ITGA6: variants seen among roughly 807,000 people sequenced by gnomAD.
ITGA6 encodes the protein integrin alpha-6.
A neutral mutation model predicts 133.6 loss-of-function variants in ITGA6; 63 were observed. That is an observed-to-expected ratio of 0.47 (90% CI 0.38 to 0.58). The LOEUF is 0.58. ITGA6 is among the 20% of genes least tolerant of loss of function. The pLI is 0.00. For synonymous variants in ITGA6, 434 were observed against 482.0 expected, an observed-to-expected ratio of 0.90 and a Z score of 1.30; for missense variants, 1,068 against 1,309.4, an observed-to-expected ratio of 0.82 and a Z score of 2.85.
At chr2:172,472,664 C>T (rs1038946488) in intron 5 of ITGA6, 55 of 690,090 alleles carry the variant, frequency 8.0e-5, no homozygotes, top group South Asian at 7.7e-4. Flanking sequence ...AGCAGCTTGC[C>T]GGATGCAGTG....
intron 23 of ITGA6, among the ~76,000 whole-genome samples, chr2:172,494,578 A>G (rs144608910): frequency 2.6e-5 from 4 of 152,334 alleles, no homozygotes; most frequent in South Asian, 4.1e-4. Context: ...CAGAAGTCAC[A>G]TGATTGAGCC....
chr2:172,498,410 T>C (rs1344378550), intron 24 of ITGA6, among the ~76,000 whole-genome samples: 2 of 152,344 alleles, frequency 1.3e-5, no homozygotes, highest in African/African-American at 4.8e-5. Context: ...ACCTAAGATA[T>C]AAGTCTGGAT....
At chr2:172,470,937 T>G (rs374447605) in intron 4 of ITGA6, 37 bp from the exon 5 acceptor site, 1 of 1,608,744 alleles carries the variant, frequency 6.2e-7, no homozygotes, top group African/African-American at 1.3e-5. Flanking sequence ...TGTTTCATCT[T>G]CATTTTTTTG....
chr2:172,497,958 T>G lies in ITGA6; in HGVS notation c.2989-17T>G. On this transcript the variant is annotated splice_polypyrimidine_tract_variant and intron_variant, in intron 23 of 25. Transcript: ENST00000684293. ...GCCGCTGTATGTAGTAATGCTGCTT[T>G]CTTTTCTGCCCTGTAGGTTCGAGTG... is the stretch of plus-strand genomic sequence containing the variant. 2 of 1,613,778 alleles carry G rather than the reference T, an allele frequency of 1.2e-6. No homozygotes were observed. The highest frequency in any genetic ancestry group is 1.7e-6 in the Non-Finnish European group (2 of 1,179,732).
At chr2:172,478,185 T>C (rs1686262336) in intron 9 of ITGA6, among the ~76,000 whole-genome samples, 1 of 152,028 alleles carries the variant, frequency 6.6e-6, no homozygotes, top group South Asian at 2.1e-4. Flanking sequence ...AAATGTAAAA[T>C]AAAAATAGAA....
chr2:172,431,400 A>C (rs769459666), intron 1 of ITGA6, among the ~76,000 whole-genome samples: 2 of 152,302 alleles, frequency 1.3e-5, no homozygotes, highest in East Asian at 3.9e-4. Flanking sequence ...GAAGTGTACT[A>C]TATTGTGTTG....
intron 20 of ITGA6, 57 bp downstream of exon 20, chr2:172,489,715 G>T: frequency 6.9e-7 from 1 of 1,442,456 alleles, no homozygotes; most frequent in South Asian, 1.2e-5. Flanking sequence ...AAACTAACTT[G>T]TTAGGGGAAA....
At chr2:172,498,192 A>AT in intron 24 of ITGA6, 92 bp downstream of exon 24, 1 of 1,299,534 alleles carries the variant, frequency 7.7e-7, no homozygotes, top group Non-Finnish European at 1.1e-6. Context: ...TTTCTTTTTC[A>AT]TTGCTTCCTT....
At position 172,427,894 on chromosome 2, in the gene ITGA6, A is replaced by C. The variant is rs774309985; in HGVS notation, c.106A>C (p.Lys36Gln). Residue 36 changes from lysine to glutamine, a missense_variant, in exon 1 of 26, where the codon AAA (lysine) becomes CAA (glutamine). Physicochemically the swap from Lys to Gln is moderately conservative, Grantham distance 53. This residue lies in a region of ITGA6 where 142 missense variants were observed against 145.3 expected (regional missense o/e 0.98). Coordinates refer to ENST00000684293, the MANE Select transcript of ITGA6 (RefSeq NM_000210.4). Reference protein sequence around the residue: ...LDTREDNVIRKYGDPGSLFGF... With the variant: ...LDTREDNVIRQYGDPGSLFGF... ...CACTCGGGAGGACAACGTGATCCGG[A>C]AATATGGAGACCCCGGGAGCCTCTT... is the stretch of plus-strand genomic sequence containing the variant. 1.9e-6 allele frequency: 3 copies of C among 1,607,366 alleles called. No individual in the cohort carries two copies. Among genetic ancestry groups the C allele is most frequent in the East Asian group, 2.3e-5 (1 of 44,330 alleles).
intron 1 of ITGA6, among the ~76,000 whole-genome samples, chr2:172,448,791 T>C (rs982878556): frequency 1.3e-5 from 2 of 152,204 alleles, no homozygotes; most frequent in Non-Finnish European, 2.9e-5. Flanking sequence ...CCAGTAAGTA[T>C]AATTTAAAAA....
Position 172,505,481 on chromosome 2 carries a change from T to C in ITGA6, c.*1413T>C, listed in dbSNP as rs914745099. ...TTCCCAAAAATTACTTTGGGGCTAA[T>C]TTAACAAGAACTTTAAATTGTGTTT... On this transcript the variant is annotated 3_prime_UTR_variant, in exon 26 of 26. Coordinates refer to ENST00000684293, the MANE Select transcript of ITGA6 (RefSeq NM_000210.4). 1 of 152,376 alleles carries C rather than the reference T, an allele frequency of 6.6e-6. No homozygotes were observed. The highest frequency in any genetic ancestry group is 1.9e-4 in the East Asian group (1 of 5,200). The allele number at this position is 152,376 out of a possible 1,614,324, so 9.4% of individuals were successfully genotyped here. A position where few individuals can be genotyped will look rare whatever the true frequency, so the allele number is the denominator to read the frequency against.
chr2:172,477,690 CTT>C (rs1425693362), intron 9 of ITGA6, among the ~76,000 whole-genome samples: 1 of 152,218 alleles, frequency 6.6e-6, no homozygotes, highest in Non-Finnish European at 1.5e-5. Flanking sequence ...CTTGTTCCCT[CTT>C]TACTTGCAGA....
chr2:172,476,145 C>T (rs1686164742), intron 8 of ITGA6, among the ~76,000 whole-genome samples: 1 of 152,060 alleles, frequency 6.6e-6, no homozygotes, highest in Non-Finnish European at 1.5e-5. Flanking sequence ...TGACTTAATA[C>T]AATAAACAAG....
chr2:172,499,505 CG>C (rs1687265506), intron 24 of ITGA6, among the ~76,000 whole-genome samples: 1 of 152,128 alleles, frequency 6.6e-6, no homozygotes, highest in Non-Finnish European at 1.5e-5. Context: ...GCTGGGACTA[CG>C]TGCCACCACA....
chr2:172,503,211 CT>C (rs902830455), intron 25 of ITGA6, among the ~76,000 whole-genome samples: 4 of 151,732 alleles, frequency 2.6e-5, no homozygotes, highest in South Asian at 2.1e-4. Flanking sequence ...TTGAAAACAC[CT>C]TTTTTTAAAA....
chr2:172,449,352 C>T (rs77838572), intron 1 of ITGA6, among the ~76,000 whole-genome samples: 7,459 of 152,110 alleles, frequency 0.049, 245 homozygotes, highest in Middle Eastern at 0.13. Flanking sequence ...ACTTTTTTGG[C>T]GAAGAAAAAT....
chr2:172,498,179 C>G, intron 24 of ITGA6, 79 bp downstream of exon 24: 2 of 1,393,842 alleles, frequency 1.4e-6, no homozygotes, highest in East Asian at 2.3e-5. Context: ...ACTGATAGTA[C>G]GTTTTCTTTT....
chr2:172,474,667 G>A (rs139585172), intron 6 of ITGA6, among the ~76,000 whole-genome samples: 1,547 of 152,312 alleles, frequency 0.01, 5 homozygotes, highest in Middle Eastern at 0.02. Flanking sequence ...AGTTGGGGGG[G>A]TTAGAACAGT....
At chr2:172,499,198 A>G (rs1313115940) in intron 24 of ITGA6, among the ~76,000 whole-genome samples, 1 of 152,056 alleles carries the variant, frequency 6.6e-6, no homozygotes, top group Admixed American at 6.5e-5. Context: ...CAAATTTGAG[A>G]TAATTTTCTG....
Sources: gnomAD v4.1 joint callset for allele counts (sites outside exome capture counted in the v4.1 genomes callset) on GRCh38, gnomAD v4.1.1 for gene constraint, gnomAD v4.1.1 regional missense constraint, MANE v1.5 for transcripts, NCBI Gene and HGNC (gene_info 2026-07-23, HGNC 2026-07-21) for gene names.